Variants in ITLN1 observed in about 807,000 individuals in gnomAD.
ITLN1 encodes intelectin-1.
Under a neutral mutation model 36.2 loss-of-function variants are expected in ITLN1, and 29 were observed. The ratio of observed to expected loss-of-function variants is 0.80; its 90% CI spans 0.60 to 1.09. ITLN1 has a LOEUF of 1.09. ITLN1 is among the 50% of genes least tolerant of loss of function. The pLI is 0.00. For missense variants in ITLN1, 358 were observed against 405.2 expected, an observed-to-expected ratio of 0.88 and a Z score of 1.00; for synonymous variants, 143 against 146.5, an observed-to-expected ratio of 0.98 and a Z score of 0.17.
chr1:160,877,987 G>A (rs1670617950), intron 7 of ITLN1, among the ~76,000 whole-genome samples: 2 of 152,114 alleles, frequency 1.3e-5, no homozygotes, highest in Non-Finnish European at 2.9e-5. Flanking sequence ...TGACCAACAT[G>A]GAGAAACCCC....
In ITLN1 at chr1:160,879,362, T is replaced by G. The variant is rs754986527; in HGVS notation, c.738A>C (p.Ala246=). ...TCATTCCAGCACACAAGGCGTTGGC[T>G]GCTCTCTCGTTATTAAATACCCTGA... ...VQFRVFNNER[A]ANALCAGMRV... Residue 246 remains alanine (A), a synonymous_variant, in exon 7 of 8, where the codon GCA becomes GCC. Coordinates refer to ENST00000326245, the MANE Select transcript of ITLN1 (RefSeq NM_017625.3). 36 of 1,614,078 alleles carry G rather than the reference T, an allele frequency of 2.2e-5. No homozygotes were observed. The highest frequency in any genetic ancestry group is 2.8e-5 in the Non-Finnish European group (33 of 1,180,034).
chr1:160,879,572 T>G (rs1227617191), intron 6 of ITLN1, among the ~76,000 whole-genome samples, 158 bp from the exon 7 acceptor site: 8 of 152,152 alleles, frequency 5.3e-5, no homozygotes, highest in African/African-American at 1.9e-4. Context: ...GGCTGCTACA[T>G]CCTGGCCTCA....
chr1:160,882,523 T>C (rs1670698003), intron 3 of ITLN1, among the ~76,000 whole-genome samples: 1 of 152,220 alleles, frequency 6.6e-6, no homozygotes, highest in South Asian at 2.1e-4. Context: ...AGCTGATGCT[T>C]TTACACCAGT....
rs774780113 is a variant in ITLN1, at chr1:160,884,813, G to A, written c.58+7C>T. 1.2e-6 allele frequency: 2 copies of A among 1,603,402 alleles called. No homozygotes were observed. The highest frequency in any genetic ancestry group is 1.7e-6 in the Non-Finnish European group (2 of 1,170,788). The stretch of plus-strand genomic sequence containing the variant: ...AAGGAACTGCTGTCCCTAGCAGCGT[G>A]ACTCACCTGTACTCCATCCTCTGGT... On this transcript the variant is annotated splice_region_variant and intron_variant, in intron 2 of 7. Transcript: ENST00000326245.
chr1:160,883,448 T>C lies in ITLN1; in HGVS notation c.137A>G (p.Asp46Gly). ...CTCACCAAATGCACTAGGACATTCGTCTTTGATTTCCTTGCAGCTTCTGGG... is the reference window on the plus strand; with the variant it reads ...CTCACCAAATGCACTAGGACATTCGCCTTTGATTTCCTTGCAGCTTCTGGG... Reference protein sequence around the residue: ...SLPRSCKEIKDECPSAFDGLY... With the variant: ...SLPRSCKEIKGECPSAFDGLY... The change falls in exon 3 of 8, where the codon GAC (aspartate) becomes GGC (glycine). Residue 46 changes from aspartate to glycine, a missense_variant. Physicochemically the swap from Asp to Gly is moderately conservative, Grantham distance 94. Coordinates refer to ENST00000326245, the MANE Select transcript of ITLN1 (RefSeq NM_017625.3). The C allele has an allele frequency of 6.2e-7, 1 of 1,612,984 alleles. No individual in the cohort carries two copies. The highest frequency in any genetic ancestry group is 8.5e-7 in the Non-Finnish European group (1 of 1,178,964).
At chr1:160,879,788 A>T (rs562546676) in intron 6 of ITLN1, among the ~76,000 whole-genome samples, 1 of 152,206 alleles carries the variant, frequency 6.6e-6, no homozygotes, top group African/African-American at 2.4e-5. Flanking sequence ...TTTATTTTAA[A>T]ATCTCAACTC....
At chr1:160,881,512 T>C in intron 4 of ITLN1, 200 bp from the exon 5 acceptor site, 1 of 589,334 alleles carries the variant, frequency 1.7e-6, no homozygotes, top group Non-Finnish European at 2.8e-6. Context: ...GAAGTTGTGA[T>C]TCAAAGTGTA....
rs1306042867 is a variant in ITLN1, at chr1:160,883,451, T to G, written c.134A>C (p.Lys45Thr). 2 of 1,613,198 alleles carry G rather than the reference T, an allele frequency of 1.2e-6. No individual in the cohort carries two copies. Among genetic ancestry groups the G allele is most frequent in the African/African-American group, 1.3e-5 (1 of 74,932 alleles). The change falls in exon 3 of 8, where the codon AAA (lysine) becomes ACA (threonine). Residue 45 changes from lysine to threonine, a missense_variant. Lys to Thr is a moderately conservative substitution (Grantham distance 78). Coordinates refer to ENST00000326245, the MANE Select transcript of ITLN1 (RefSeq NM_017625.3). Reference sequence around the variant, plus strand: ...ACCAAATGCACTAGGACATTCGTCTTTGATTTCCTTGCAGCTTCTGGGCAG... The same window carrying G: ...ACCAAATGCACTAGGACATTCGTCTGTGATTTCCTTGCAGCTTCTGGGCAG... ...PSLPRSCKEI[K>T]DECPSAFDGL...
At chr1:160,882,286 A>C in intron 3 of ITLN1, 82 bp from the exon 4 acceptor site, 1 of 1,503,880 alleles carries the variant, frequency 6.6e-7, no homozygotes, top group Non-Finnish European at 8.9e-7. Context: ...GGCCCTAGGA[A>C]CCAGAGACAT....
intron 7 of ITLN1, among the ~76,000 whole-genome samples, chr1:160,877,147 G>T (rs1670601788): frequency 6.6e-6 from 1 of 151,856 alleles, no homozygotes; most frequent in Non-Finnish European, 1.5e-5. Flanking sequence ...TGAGGCAGGA[G>T]AATTGCTTGA....
chr1:160,881,644 A>T, intron 4 of ITLN1: 1 of 512,522 alleles, frequency 2.0e-6, no homozygotes, highest in Non-Finnish European at 3.4e-6. Flanking sequence ...CCCCATCTCT[A>T]CTAAAAGTAC....
At chr1:160,878,933 C>G (rs1451117694) in intron 7 of ITLN1, among the ~76,000 whole-genome samples, 1 of 152,042 alleles carries the variant, frequency 6.6e-6, no homozygotes, top group Non-Finnish European at 1.5e-5. Flanking sequence ...AAATATAAAC[C>G]TCAGATGAAG....
chr1:160,880,483 A>T, intron 6 of ITLN1, 105 bp downstream of exon 6: 2 of 1,190,514 alleles, frequency 1.7e-6, no homozygotes, highest in Non-Finnish European at 2.4e-6. Flanking sequence ...TATAGGGAAC[A>T]TTACAGGAGA....
chr1:160,882,202 C>G lies in ITLN1; in HGVS notation c.160G>C (p.Gly54Arg). The G allele has an allele frequency of 3.2e-6, 5 of 1,571,416 alleles. No individual in the cohort carries two copies. Among genetic ancestry groups the G allele is most frequent in the Non-Finnish European group, 4.3e-6 (5 of 1,156,490 alleles). ...TTCTCAGTGCGGAGAAAATACAGGC[C>G]ATCTGTAGAGAGAACCAGCCCAGAG... ...IKDECPSAFD[G>R]LYFLRTENGV... The change falls in exon 4 of 8, where the codon GGC becomes CGC. Residue 54 changes from glycine to arginine, a missense_variant and splice_region_variant. Coordinates refer to ENST00000326245, the MANE Select transcript of ITLN1 (RefSeq NM_017625.3).
chr1:160,877,036 G>A (rs766999033), intron 7 of ITLN1, among the ~76,000 whole-genome samples: 3 of 152,160 alleles, frequency 2.0e-5, no homozygotes, highest in Non-Finnish European at 4.4e-5. Context: ...CCAGGGGTTC[G>A]AGACCAGCCT....
At chr1:160,883,164 G>A (rs183725198) in intron 3 of ITLN1, among the ~76,000 whole-genome samples, 115 of 152,060 alleles carry the variant, frequency 7.6e-4, no homozygotes, top group South Asian at 1.7e-3. Context: ...CACCGCACCC[G>A]GCCCCTCCAT....
chr1:160,884,014 C>G (rs996243289), intron 2 of ITLN1, among the ~76,000 whole-genome samples: 1 of 152,138 alleles, frequency 6.6e-6, no homozygotes, highest in African/African-American at 2.4e-5. Flanking sequence ...GAAGGCAAGA[C>G]GGGTTGTCTC....
chr1:160,879,249 C>G, intron 7 of ITLN1, 62 bp downstream of exon 7: 1 of 1,183,828 alleles, frequency 8.4e-7, no homozygotes, highest in Non-Finnish European at 1.3e-6. Context: ...CTCACACATA[C>G]CAACACACAC....
intron 2 of ITLN1, 149 bp from the exon 3 acceptor site, chr1:160,883,675 GC>G: frequency 3.5e-6 from 2 of 575,754 alleles, no homozygotes; most frequent in Non-Finnish European, 6.4e-6. Flanking sequence ...TATCCACTCA[GC>G]CCATCAGTGT....
Sources: gnomAD v4.1 joint callset for allele counts (sites outside exome capture counted in the v4.1 genomes callset) on GRCh38, gnomAD v4.1.1 for gene constraint, MANE v1.5 for transcripts, NCBI Gene and HGNC (gene_info 2026-07-23, HGNC 2026-07-21) for gene names.